MAVS: variants seen among roughly 807,000 people sequenced by gnomAD.
MAVS encodes the protein mitochondrial antiviral-signaling protein.
A neutral mutation model predicts 30.2 loss-of-function variants in MAVS; 20 were observed. That is an observed-to-expected ratio of 0.66 (90% CI 0.47 to 0.96). The LOEUF is 0.96. Ranked by LOEUF, MAVS falls within the 40% of genes least tolerant of loss-of-function variation. The probability of loss-of-function intolerance (pLI) is 0.00; values close to 1 mark genes in which losing one functional copy is unlikely to be tolerated. For synonymous variants in MAVS, 278 were observed against 293.9 expected (o/e 0.95, Z 0.55); for missense variants, 624 against 701.1 (o/e 0.89, Z 1.24).
chr20:3,861,679 G>A (rs2089868463), intron 4 of MAVS, among the ~76,000 whole-genome samples, 175 bp downstream of exon 4: 1 of 152,192 alleles, frequency 6.6e-6, no homozygotes, highest in Non-Finnish European at 1.5e-5. Context: ...CCAGGCTGCT[G>A]ACCAGGTCTT....
Position 3,874,290 on chromosome 20 carries a change from G to A in MAVS, c.*8143G>A, listed in dbSNP as rs2089975468. ...TTAACAGGGGAGGGATACTGGGGAG[G>A]GGCATCCTGGAGTGCTGGTCTACCT... On this transcript the variant is annotated 3_prime_UTR_variant, in exon 7 of 7. Coordinates refer to ENST00000428216, the MANE Select transcript of MAVS (RefSeq NM_020746.5). The A allele has an allele frequency of 2.5e-6, 1 of 398,414 alleles. No homozygotes were observed. Among genetic ancestry groups the A allele is most frequent in the Non-Finnish European group, 4.4e-6 (1 of 226,008 alleles). 24.7% of individuals were successfully genotyped at this position (398,414 alleles called of 1,614,324 possible). A position where few individuals can be genotyped will look rare whatever the true frequency, so the allele number is the denominator to read the frequency against.
intron 1 of MAVS, among the ~76,000 whole-genome samples, chr20:3,853,013 G>A (rs1240405585): frequency 1.3e-5 from 2 of 149,750 alleles, no homozygotes; most frequent in African/African-American, 4.9e-5. Flanking sequence ...TAATTTTTTT[G>A]TATTTTCAGT....
chr20:3,860,603 G>A (rs907329551), intron 3 of MAVS, among the ~76,000 whole-genome samples: 2 of 151,316 alleles, frequency 1.3e-5, no homozygotes, highest in East Asian at 2.0e-4. Context: ...TCGAACTCAC[G>A]ACCTCAGGTG....
rs1233024041 is a variant in MAVS at position 3,867,291 on chromosome 20, C to T, written c.*1144C>T. Reference sequence around the variant, plus strand: ...GAGGATAAGTATATATATATATTTCCCAGTGTTGTGAAGATTAAAGGAGTT... The same window carrying T: ...GAGGATAAGTATATATATATATTTCTCAGTGTTGTGAAGATTAAAGGAGTT... On this transcript the variant is annotated 3_prime_UTR_variant, in exon 7 of 7. Transcript: ENST00000428216. 2.9e-6 allele frequency: 1 copy of T among 343,174 alleles called. No individual in the cohort carries two copies. Among genetic ancestry groups the T allele is most frequent in the Non-Finnish European group, 5.7e-6 (1 of 174,884 alleles). The allele number at this position is 343,174 out of a possible 1,614,324, so 21.3% of individuals were successfully genotyped here.
At position 3,862,316 on chromosome 20, in the gene MAVS, C is replaced by A. The variant is rs1366838806; in HGVS notation, c.528C>A (p.Gly176=). ...CCATCCCAAGGAATCCAGATGGTGG[C>A]CCCCTGGAGTCCTCCTCTGACCTGG... is the stretch of plus-strand genomic sequence containing the variant. ...PRAIPRNPDG[G]PLESSSDLAA... is the part of the protein sequence containing the mutation. Residue 176 remains glycine, a synonymous_variant, in exon 5 of 7, where the codon GGC becomes GGA. Coordinates refer to ENST00000428216, the MANE Select transcript of MAVS (RefSeq NM_020746.5). 6 of 1,613,950 alleles carry A rather than the reference C, an allele frequency of 3.7e-6. No homozygotes were observed. Among genetic ancestry groups the A allele is most frequent in the African/African-American group, 1.3e-5 (1 of 74,940 alleles).
Position 3,866,131 on chromosome 20 carries a change from G to T in MAVS, c.1607G>T (p.Arg536Leu), listed in dbSNP as rs780739320. Reference sequence around the variant, plus strand: ...GTCACACTCCTGGTGGTGCTGTACCGGCGGCGTCTGCACTAGTGAAGCCCT... The same window carrying T: ...GTCACACTCCTGGTGGTGCTGTACCTGCGGCGTCTGCACTAGTGAAGCCCT... The part of the protein sequence containing the change: ...LVVTLLVVLY[R>L]RRLH The change falls in exon 7 of 7, where the codon CGG becomes CTG. Residue 536 changes from arginine to leucine, a missense_variant. Coordinates refer to ENST00000428216, the MANE Select transcript of MAVS (RefSeq NM_020746.5). 3.1e-6 allele frequency: 5 copies of T among 1,592,548 alleles called. No homozygotes were observed. Among genetic ancestry groups the T allele is most frequent in the Non-Finnish European group, 4.3e-6 (5 of 1,171,462 alleles).
chr20:3,859,304 G>A (rs553318312), intron 3 of MAVS, among the ~76,000 whole-genome samples: 193 of 152,004 alleles, frequency 1.3e-3, no homozygotes, highest in South Asian at 4.8e-3. Context: ...TCAGGAGTTC[G>A]AGACCAGCCT....
chr20:3,864,763 C>T lies in MAVS; in HGVS notation c.1133C>T (p.Pro378Leu), dbSNP rs1270212754. The T allele has an allele frequency of 6.2e-7, 1 of 1,614,064 alleles. No individual in the cohort carries two copies. ...ACCAAGGTGTCTGCCAGCACAGTCC[C>T]CACTGACGGGAGCAGCAGAAATGAG... ...VLTKVSASTV[P>L]TDGSSRNEET... Residue 378 changes from proline (P) to leucine (L), a missense_variant, in exon 6 of 7, where the codon CCC becomes CTC. Physicochemically the swap from Pro to Leu is moderately conservative, Grantham distance 98. Transcript: ENST00000428216.
At position 3,873,842 on chromosome 20, in the gene MAVS, G is replaced by A; in HGVS notation, c.*7695G>A. 3 of 343,054 alleles carry A rather than the reference G, an allele frequency of 8.7e-6. No individual in the cohort carries two copies. The highest frequency in any genetic ancestry group is 2.1e-5 in the African/African-American group (1 of 47,478). The allele number at this position is 343,054 out of a possible 1,614,324, so 21.3% of individuals were successfully genotyped here. A position where few individuals can be genotyped will look rare whatever the true frequency, so the allele number is the denominator to read the frequency against. On this transcript the variant is annotated 3_prime_UTR_variant, in exon 7 of 7. Transcript: ENST00000428216. ...GAATGGACCAAGCTGGTGTGACCCT[G>A]TTGGAAAACTGGCAGTATCTACCAA...
chr20:3,862,039 G>A (rs187611551), intron 4 of MAVS, among the ~76,000 whole-genome samples: 449 of 152,264 alleles, frequency 2.9e-3, no homozygotes, highest in Non-Finnish European at 4.8e-3. Context: ...GTGAGCCACC[G>A]CACCTGGCAA....
At chr20:3,853,442 C>T (rs1256185867) in intron 1 of MAVS, among the ~76,000 whole-genome samples, 14 of 149,668 alleles carry the variant, frequency 9.4e-5, no homozygotes, top group Non-Finnish European at 1.6e-4. Flanking sequence ...GCCGAGATCG[C>T]GCCACCGCAC....
intron 1 of MAVS, among the ~76,000 whole-genome samples, chr20:3,849,921 T>G (rs2089743294): frequency 6.6e-6 from 1 of 152,236 alleles, no homozygotes; most frequent in Non-Finnish European, 1.5e-5. Context: ...CATCTATAAC[T>G]GCAAATTGTG....
At chr20:3,851,342 C>A (rs2089758094) in intron 1 of MAVS, among the ~76,000 whole-genome samples, 1 of 146,260 alleles carries the variant, frequency 6.8e-6, no homozygotes, top group East Asian at 2.0e-4. Flanking sequence ...ACAACAACAA[C>A]AACAAACAAA....
rs1356915194 is a variant in MAVS at position 3,872,680 on chromosome 20, A to G, written c.*6533A>G. The G allele has an allele frequency of 6.6e-6, 1 of 152,362 alleles. No individual in the cohort carries two copies. The highest frequency in any genetic ancestry group is 2.4e-5 in the African/African-American group (1 of 41,462). The allele number at this position is 152,362 out of a possible 1,614,324, so 9.4% of individuals were successfully genotyped here. On this transcript the variant is annotated 3_prime_UTR_variant, in exon 7 of 7. Transcript: ENST00000428216. ...CAGGAAGCCATTTGGTTTAGCAGAC[A>G]TTGTTTATTAAAGGAGTTACCTATG...
In MAVS at chr20:3,865,395, G is replaced by A. The variant is rs927014815; in HGVS notation, c.1159-288G>A. Among the ~76,000 whole-genome samples the A allele has an allele frequency of 1.3e-5, 2 of 152,180 alleles. No individual in the cohort carries two copies. The highest frequency in any genetic ancestry group is 2.9e-5 in the Non-Finnish European group (2 of 68,040). On this transcript the variant is annotated intron_variant, in intron 6 of 6. Transcript: ENST00000428216. This position sits in a 1 kb window ranked among gnomAD's most constrained non-coding sequence, Gnocchi z 4.7. The stretch of plus-strand genomic sequence containing the variant: ...TCTAGTTCTCAGGCCCAGGCAGGAT[G>A]TCAGTGCAGGATGGAGCCCCGCCCT...
At chr20:3,856,519 T>C (rs1269029019) in intron 2 of MAVS, among the ~76,000 whole-genome samples, 1 of 151,818 alleles carries the variant, frequency 6.6e-6, no homozygotes, top group East Asian at 2.0e-4. Flanking sequence ...ACCCGGCTAA[T>C]TTTTGTGTTT....
chr20:3,867,969 A>T lies in MAVS; in HGVS notation c.*1822A>T, dbSNP rs2089921867. The T allele has an allele frequency of 6.6e-6, 1 of 152,374 alleles. No homozygotes were observed. Among genetic ancestry groups the T allele is most frequent in the African/African-American group, 2.4e-5 (1 of 41,432 alleles). The allele number at this position is 152,374 out of a possible 1,614,324, so 9.4% of individuals were successfully genotyped here. A position where few individuals can be genotyped will look rare whatever the true frequency, so the allele number is the denominator to read the frequency against. On this transcript the variant is annotated 3_prime_UTR_variant, in exon 7 of 7. Transcript: ENST00000428216. ...TCTGCAAGGGACAAGAACTAGAGCC[A>T]TCAGGGGCTGGGCTCACTGTGGCCC...
chr20:3,848,788 G>A (rs2089732660), intron 1 of MAVS, among the ~76,000 whole-genome samples: 1 of 152,128 alleles, frequency 6.6e-6, no homozygotes, highest in Non-Finnish European at 1.5e-5. Flanking sequence ...AGTCCCTTCT[G>A]AGCCACTGCT....
chr20:3,853,246 G>A (rs1487920899), intron 1 of MAVS, among the ~76,000 whole-genome samples: 1 of 150,598 alleles, frequency 6.6e-6, no homozygotes. Context: ...CAGCACTTTG[G>A]GAGGCCGAGG....
Sources: allele counts gnomAD v4.1 joint callset (sites outside exome capture counted in the v4.1 genomes callset), GRCh38; gene constraint gnomAD v4.1.1; non-coding constraint Gnocchi (gnomAD v3.1); transcripts MANE v1.5; gene names NCBI Gene and HGNC (gene_info 2026-07-23, HGNC 2026-07-21).